The following ZFAND3 variants were observed in gnomAD, a reference collection of about 807,000 sequenced individuals.
The protein encoded by ZFAND3 is zinc finger AN1-type containing 3.
Under a neutral mutation model 29.6 loss-of-function variants are expected in ZFAND3, and 10 were observed. That is an observed-to-expected ratio of 0.34 (90% CI 0.21 to 0.57). The LOEUF (loss-of-function observed/expected upper bound fraction) is 0.57. Among genes scored for constraint, ZFAND3 ranks in the 20% least tolerant of loss-of-function variants. ZFAND3 has a pLI of 0.86. For synonymous variants in ZFAND3, 128 were observed against 112.6 expected, an observed-to-expected ratio of 1.14 and a Z score of -0.87; for missense variants, 230 against 304.5, an observed-to-expected ratio of 0.76 and a Z score of 1.82.
At chr6:37,996,854 T>C (rs1035174892) in intron 2 of ZFAND3, among the ~76,000 whole-genome samples, 2 of 152,202 alleles carry the variant, frequency 1.3e-5, no homozygotes, top group African/African-American at 4.8e-5. Flanking sequence ...TTGTTGCATA[T>C]TATACCATTG....
intron 1 of ZFAND3, among the ~76,000 whole-genome samples, chr6:37,878,894 GTGTC>G (rs979231380): frequency 3.3e-5 from 5 of 152,170 alleles, no homozygotes; most frequent in Non-Finnish European, 5.9e-5. Context: ...AGCTAGGAAA[GTGTC>G]TGTTTCTCCA....
At chr6:38,042,717 T>C (rs1763815822) in intron 2 of ZFAND3, among the ~76,000 whole-genome samples, 1 of 152,214 alleles carries the variant, frequency 6.6e-6, no homozygotes, top group South Asian at 2.1e-4. Flanking sequence ...GAGTATCTTT[T>C]CAGTGCCATT....
At position 38,153,334 on chromosome 6, in the gene ZFAND3, C is replaced by T. The variant is rs1040762547; in HGVS notation, c.*945C>T. 9 of 985,510 alleles carry T rather than the reference C, an allele frequency of 9.1e-6. No homozygotes were observed. Among genetic ancestry groups the T allele is most frequent in the Non-Finnish European group, 1.1e-5 (9 of 829,958 alleles). The allele number at this position is 985,510 out of a possible 1,614,324, so 61.0% of individuals were successfully genotyped here. ...GTGCTGGGAGCAGCAGCTGGGGAAGCTGCCGCCCACGGGCTCTGCCCCTTC... is the reference window on the plus strand; with the variant it reads ...GTGCTGGGAGCAGCAGCTGGGGAAGTTGCCGCCCACGGGCTCTGCCCCTTC... On this transcript the variant is annotated 3_prime_UTR_variant, in exon 6 of 6. Transcript: ENST00000287218.
intron 2 of ZFAND3, among the ~76,000 whole-genome samples, chr6:38,044,625 A>G (rs910932593): frequency 5.3e-5 from 8 of 152,216 alleles, no homozygotes; most frequent in African/African-American, 1.4e-4. Flanking sequence ...TCGAATTGAT[A>G]AACAGTATTA....
At chr6:37,913,430 T>G (rs1211631359) in intron 1 of ZFAND3, among the ~76,000 whole-genome samples, 2 of 152,242 alleles carry the variant, frequency 1.3e-5, no homozygotes, top group Non-Finnish European at 2.9e-5. Context: ...AATTTTATTA[T>G]GACATTGCAG....
intron 1 of ZFAND3, among the ~76,000 whole-genome samples, chr6:37,918,506 A>G (rs1440525729): frequency 6.6e-6 from 1 of 152,066 alleles, no homozygotes; most frequent in Non-Finnish European, 1.5e-5. Context: ...ATTATCTCCC[A>G]GGTTTATGTC....
At chr6:37,964,402 G>A (rs1290742079) in intron 2 of ZFAND3, among the ~76,000 whole-genome samples, 1 of 152,176 alleles carries the variant, frequency 6.6e-6, no homozygotes, top group Non-Finnish European at 1.5e-5. Flanking sequence ...AGATTAAACT[G>A]GTGATGTGCA....
intron 1 of ZFAND3, among the ~76,000 whole-genome samples, chr6:37,921,249 C>T (rs1468380274): frequency 1.3e-5 from 2 of 152,058 alleles, no homozygotes; most frequent in East Asian, 3.9e-4. Context: ...GATTGACTCC[C>T]TTCACTGAAG....
intron 1 of ZFAND3, among the ~76,000 whole-genome samples, chr6:37,837,852 A>C (rs1763998331): frequency 1.3e-5 from 2 of 152,242 alleles, no homozygotes; most frequent in African/African-American, 2.4e-5. Flanking sequence ...CAGCGTGTAT[A>C]CCAATATGCT....
At chr6:37,950,307 T>A (rs1043105418) in intron 2 of ZFAND3, among the ~76,000 whole-genome samples, 17 of 151,948 alleles carry the variant, frequency 1.1e-4, no homozygotes, top group Admixed American at 1.1e-3. Flanking sequence ...CCAGTTTCAA[T>A]CTTCTAGCCA....
intron 1 of ZFAND3, among the ~76,000 whole-genome samples, chr6:37,905,928 A>G (rs570114050): frequency 6.6e-6 from 1 of 152,294 alleles, no homozygotes; most frequent in South Asian, 2.1e-4. Flanking sequence ...TACCTATAAT[A>G]TGATCTATGG....
At chr6:37,999,849 G>A (rs915993583) in intron 2 of ZFAND3, among the ~76,000 whole-genome samples, 1 of 152,128 alleles carries the variant, frequency 6.6e-6, no homozygotes, top group Non-Finnish European at 1.5e-5. Context: ...AGTTAATAGG[G>A]TGTCAATATT....
At chr6:37,971,164 G>A (rs578103828) in intron 2 of ZFAND3, among the ~76,000 whole-genome samples, 4 of 152,082 alleles carry the variant, frequency 2.6e-5, no homozygotes, top group Non-Finnish European at 5.9e-5. Flanking sequence ...TGTGCTTTAC[G>A]TTGAACAAAG....
At chr6:38,004,451 C>T (rs1014552754) in intron 2 of ZFAND3, among the ~76,000 whole-genome samples, 1 of 150,802 alleles carries the variant, frequency 6.6e-6, no homozygotes, top group Admixed American at 6.6e-5. Flanking sequence ...CCCCTCTCCC[C>T]CTTCCCCTCT....
chr6:38,154,176 C>T lies in ZFAND3; in HGVS notation c.*1787C>T, dbSNP rs368774285. On this transcript the variant is annotated 3_prime_UTR_variant, in exon 6 of 6. Coordinates refer to ENST00000287218, the MANE Select transcript of ZFAND3 (RefSeq NM_021943.3). The stretch of plus-strand genomic sequence containing the variant: ...CAAGCCACAGCCCTTGGCCACCATA[C>T]GGGCCATCCTCAGTGAGGCAGCCCC... 23 of 985,636 alleles carry T rather than the reference C, an allele frequency of 2.3e-5. 1 individual carries two copies. Among genetic ancestry groups the T allele is most frequent in the East Asian group, 2.3e-4 (2 of 8,816 alleles). The allele number at this position is 985,636 out of a possible 1,614,324, so 61.1% of individuals were successfully genotyped here.
chr6:37,852,207 G>A (rs575582371), intron 1 of ZFAND3, among the ~76,000 whole-genome samples: 6 of 152,320 alleles, frequency 3.9e-5, no homozygotes, highest in South Asian at 2.1e-4. Context: ...CTCCATGGGG[G>A]TGAGGAGGAT....
chr6:37,988,502 C>G (rs190096019), intron 2 of ZFAND3, among the ~76,000 whole-genome samples: 12 of 152,222 alleles, frequency 7.9e-5, no homozygotes, highest in Non-Finnish European at 2.9e-5. Context: ...GCATTATTTT[C>G]CCCCATGTAG....
Position 38,047,820 on chromosome 6 carries a change from C to A in ZFAND3, c.113-13773C>A, listed in dbSNP as rs528821129. On this transcript the variant is annotated intron_variant, in intron 2 of 5. Transcript: ENST00000287218. Reference sequence around the variant, plus strand: ...AGAGCTGCTGTCTACCCTCAGTAGACCTATAATGTGATCAAAACAAATAAA... The same window carrying A: ...AGAGCTGCTGTCTACCCTCAGTAGAACTATAATGTGATCAAAACAAATAAA... Among the ~76,000 whole-genome samples the A allele has an allele frequency of 2.3e-4, 35 of 152,108 alleles. No homozygotes were observed. In the East Asian group the frequency reaches 5.0e-3, roughly 22 times the overall value.
intron 2 of ZFAND3, among the ~76,000 whole-genome samples, chr6:37,956,329 A>T (rs73421427): frequency 0.068 from 10,368 of 152,226 alleles, 426 homozygotes; most frequent in Non-Finnish European, 0.087. Flanking sequence ...TGTGTGTCTT[A>T]AAAGTTCCCA....
Sources: allele counts gnomAD v4.1 joint callset (sites outside exome capture counted in the v4.1 genomes callset), GRCh38; gene constraint gnomAD v4.1.1; transcripts MANE v1.5; gene names NCBI Gene and HGNC (gene_info 2026-07-23, HGNC 2026-07-21).